Variants in KIF5C observed in about 807,000 individuals in gnomAD.
KIF5C encodes the protein kinesin family member 5C.
In KIF5C, 18 loss-of-function variants were observed where a neutral mutation model predicts 125.2. That is an observed-to-expected ratio of 0.14 (90% CI 0.10 to 0.21). The LOEUF (loss-of-function observed/expected upper bound fraction) is 0.21, where lower values mean the gene tolerates loss of function less well. Ranked by LOEUF, KIF5C falls within the 10% of genes least tolerant of loss-of-function variation. The probability of loss-of-function intolerance (pLI) is 1.00; values close to 1 mark genes in which losing one functional copy is unlikely to be tolerated. For synonymous variants in KIF5C, 405 were observed against 434.0 expected, an observed-to-expected ratio of 0.93 and a Z score of 0.83; for missense variants, 780 against 1,183.8, an observed-to-expected ratio of 0.66 and a Z score of 5.01.
intron 25 of KIF5C, 116 bp downstream of exon 25, chr2:149,011,799 C>A: frequency 7.2e-7 from 1 of 1,395,124 alleles, no homozygotes; most frequent in Non-Finnish European, 9.7e-7. Flanking sequence ...TACTCCAGCA[C>A]ACACCCTGGG....
At chr2:148,956,766 G>A (rs948831870) in intron 10 of KIF5C, among the ~76,000 whole-genome samples, 5 of 152,264 alleles carry the variant, frequency 3.3e-5, no homozygotes, top group Admixed American at 2.0e-4. Flanking sequence ...TTCCTGCTGC[G>A]GTTATAACTT....
intron 3 of KIF5C, among the ~76,000 whole-genome samples, chr2:148,933,817 CAT>C (rs1468291321): frequency 1.3e-5 from 2 of 151,472 alleles, no homozygotes; most frequent in African/African-American, 2.4e-5. Flanking sequence ...CACACACAGA[CAT>C]ATGCACACCA....
intron 10 of KIF5C, among the ~76,000 whole-genome samples, chr2:148,960,403 T>C (rs1682897839): frequency 6.6e-6 from 1 of 152,228 alleles, no homozygotes; most frequent in Non-Finnish European, 1.5e-5. Context: ...TGGATGCTTG[T>C]AATGTTTGTG....
chr2:148,935,746 A>C (rs1682277791), intron 3 of KIF5C, among the ~76,000 whole-genome samples: 1 of 152,200 alleles, frequency 6.6e-6, no homozygotes, highest in African/African-American at 2.4e-5. Context: ...ACTAACATTT[A>C]TTTTAGCCCT....
At chr2:148,890,477 G>A (rs1209750944) in intron 1 of KIF5C, among the ~76,000 whole-genome samples, 1 of 152,084 alleles carries the variant, frequency 6.6e-6, no homozygotes, top group Non-Finnish European at 1.5e-5. Context: ...CTCCAGCCTG[G>A]GCAACAGAGC....
chr2:149,010,215 G>A lies in KIF5C; in HGVS notation c.2631G>A (p.Lys877=). Residue 877 remains lysine (K), a synonymous_variant, in exon 24 of 26, where the codon AAG becomes AAA. Coordinates refer to ENST00000435030, the MANE Select transcript of KIF5C (RefSeq NM_004522.3). ...KRLRATAERV[K]ALESALKEAK... ...TGCGTGCCACGGCGGAGCGCGTCAAGGCTCTGGAGAGCGCGCTGAAGGAGG... is the reference window on the plus strand; with the variant it reads ...TGCGTGCCACGGCGGAGCGCGTCAAAGCTCTGGAGAGCGCGCTGAAGGAGG... 1 of 1,564,744 alleles carries A rather than the reference G, an allele frequency of 6.4e-7. No individual in the cohort carries two copies. The highest frequency in any genetic ancestry group is 8.7e-7 in the Non-Finnish European group (1 of 1,155,602).
At chr2:148,936,122 C>CTACAAAAAA in intron 3 of KIF5C, among the ~76,000 whole-genome samples, 1 of 152,196 alleles carries the variant, frequency 6.6e-6, no homozygotes, top group Middle Eastern at 3.4e-3. Context: ...AACCTCATCT[C>CTACAAAAAA]TACAAAAAAT....
At chr2:148,981,230 C>T in intron 13 of KIF5C, 125 bp from the exon 14 acceptor site, 1 of 1,375,276 alleles carries the variant, frequency 7.3e-7, no homozygotes. Flanking sequence ...GGTTTCCCAT[C>T]ATCCTGAACT....
At chr2:148,934,337 C>T (rs1682244907) in intron 3 of KIF5C, among the ~76,000 whole-genome samples, 1 of 151,654 alleles carries the variant, frequency 6.6e-6, no homozygotes, top group Non-Finnish European at 1.5e-5. Flanking sequence ...GTACACATCA[C>T]ACACATCCAT....
At position 148,992,211 on chromosome 2, in the gene KIF5C, C is replaced by T. The variant is rs992798861; in HGVS notation, c.1905+1013C>T. Among the ~76,000 whole-genome samples the T allele has an allele frequency of 2.6e-5, 4 of 152,126 alleles. No homozygotes were observed. In the South Asian group the frequency reaches 8.3e-4, roughly 32 times the overall value. On this transcript the variant is annotated intron_variant, in intron 16 of 25. Transcript: ENST00000435030. ...GATCCACAAGGTTCCATTTTATAAC[C>T]AGCATAATAAGCAGAAATGTATTGA...
intron 22 of KIF5C, 128 bp downstream of exon 22, chr2:149,005,592 A>G (rs980813524): frequency 1.5e-6 from 2 of 1,349,796 alleles, no homozygotes; most frequent in African/African-American, 2.9e-5. Context: ...ACTGCACACC[A>G]GAGAATGTTA....
chr2:148,942,289 G>T lies in KIF5C; in HGVS notation c.501+299G>T, dbSNP rs73970610. 0.14 allele frequency among the ~76,000 whole-genome samples: 20,810 copies of T among 152,176 alleles called. 2,178 individuals are homozygous for T. Among genetic ancestry groups the T allele is most frequent in the African/African-American group, 0.29 (11,827 of 41,488 alleles). On this transcript the variant is annotated intron_variant, in intron 6 of 25. Transcript: ENST00000435030. ...GCATTATCTGTGGAACATCAAAGTA[G>T]CTAATATTGGTGGCCATGATCATAA...
At chr2:148,942,373 T>G (rs1243246769) in intron 6 of KIF5C, among the ~76,000 whole-genome samples, 1 of 152,176 alleles carries the variant, frequency 6.6e-6, no homozygotes, top group Non-Finnish European at 1.5e-5. Context: ...CTCATTGATT[T>G]TCTTCTTTGA....
At chr2:149,020,348 C>G (rs1682496369) in intron 25 of KIF5C, 1 of 152,142 alleles carries the variant, frequency 6.6e-6, no homozygotes, top group Admixed American at 6.5e-5. Context: ...GGCAGAGTTC[C>G]TGTGCTTTTC....
chr2:148,906,562 A>G (rs1450767870), intron 1 of KIF5C, among the ~76,000 whole-genome samples: 1 of 151,954 alleles, frequency 6.6e-6, no homozygotes, highest in African/African-American at 2.4e-5. Flanking sequence ...CTCTAAAAAT[A>G]AAATAAAATA....
chr2:148,955,133 C>T (rs572204022), intron 10 of KIF5C, among the ~76,000 whole-genome samples: 1 of 152,210 alleles, frequency 6.6e-6, no homozygotes, highest in Middle Eastern at 3.4e-3. Flanking sequence ...ATGGCCTCAC[C>T]AGAAGCTGGG....
intron 16 of KIF5C, 124 bp downstream of exon 16, chr2:148,991,322 C>T: frequency 7.0e-7 from 1 of 1,427,372 alleles, no homozygotes. Context: ...TAAGCTTGGC[C>T]TCCCCAGGTG....
At chr2:148,877,013 G>A (rs1681212720) in intron 1 of KIF5C, among the ~76,000 whole-genome samples, 1 of 152,214 alleles carries the variant, frequency 6.6e-6, no homozygotes, top group Admixed American at 6.5e-5. Context: ...ACAGTTTACC[G>A]AGGGTATTGC....
chr2:149,016,956 G>A (rs1377941424), intron 25 of KIF5C, among the ~76,000 whole-genome samples: 1 of 152,138 alleles, frequency 6.6e-6, no homozygotes, highest in East Asian at 1.9e-4. Context: ...GGGCACAGAG[G>A]TCAAGTGAAG....
Sources: gnomAD v4.1 joint callset for allele counts (sites outside exome capture counted in the v4.1 genomes callset) on GRCh38, gnomAD v4.1.1 for gene constraint, MANE v1.5 for transcripts, NCBI Gene and HGNC (gene_info 2026-07-23, HGNC 2026-07-21) for gene names.